Variants in SMOC2 observed in about 807,000 individuals in gnomAD.
SMOC2 encodes SPARC related modular calcium binding 2.
A neutral mutation model predicts 61.4 loss-of-function variants in SMOC2; 39 were observed. The ratio of observed to expected loss-of-function variants is 0.64; its 90% CI spans 0.49 to 0.83. The LOEUF (loss-of-function observed/expected upper bound fraction) is 0.83, where lower values mean the gene tolerates loss of function less well. Ranked by LOEUF, SMOC2 falls within the 40% of genes least tolerant of loss-of-function variation. SMOC2 has a pLI of 0.00. For synonymous variants in SMOC2, 247 were observed against 239.9 expected, an observed-to-expected ratio of 1.03 and a Z score of -0.27; for missense variants, 556 against 592.9, an observed-to-expected ratio of 0.94 and a Z score of 0.65.
At chr6:168,518,773 G>T (rs1783224453) in intron 2 of SMOC2, among the ~76,000 whole-genome samples, 1 of 151,660 alleles carries the variant, frequency 6.6e-6, no homozygotes. Context: ...ATGTGCGTGT[G>T]TGCATGTGTG....
At chr6:168,458,628 G>T (rs2115000634) in intron 1 of SMOC2, among the ~76,000 whole-genome samples, 1 of 152,220 alleles carries the variant, frequency 6.6e-6, no homozygotes, top group African/African-American at 2.4e-5. Context: ...GAGAAACGAA[G>T]GCTCCCAGGG....
At chr6:168,571,789 G>A (rs1419348231) in intron 7 of SMOC2, among the ~76,000 whole-genome samples, 1 of 152,150 alleles carries the variant, frequency 6.6e-6, no homozygotes, top group Non-Finnish European at 1.5e-5. Context: ...TTCACTGAAC[G>A]CAATGTTCAC....
intron 5 of SMOC2, among the ~76,000 whole-genome samples, chr6:168,546,004 A>C (rs1232741107): frequency 6.6e-6 from 1 of 152,128 alleles, no homozygotes; most frequent in East Asian, 1.9e-4. Flanking sequence ...AACTGATGTT[A>C]CATTTTTGTC....
intron 1 of SMOC2, among the ~76,000 whole-genome samples, chr6:168,489,492 T>C (rs559334859): frequency 9.4e-4 from 141 of 150,264 alleles, no homozygotes; most frequent in African/African-American, 3.1e-3. Flanking sequence ...TGTTTTAGAA[T>C]GAAATATATC....
intron 8 of SMOC2, among the ~76,000 whole-genome samples, chr6:168,602,281 C>T (rs896185589): frequency 6.6e-6 from 1 of 152,124 alleles, no homozygotes; most frequent in African/African-American, 2.4e-5. Context: ...ATGATTTCAG[C>T]GGTTCAAAGA....
At chr6:168,666,267 A>G (rs549635638) in intron 12 of SMOC2, among the ~76,000 whole-genome samples, 154 bp from the exon 13 acceptor site, 1 of 150,318 alleles carries the variant, frequency 6.7e-6, no homozygotes, top group African/African-American at 2.4e-5. Context: ...AGTGTCCAAA[A>G]TGTCTTCATT....
chr6:168,484,356 A>C (rs1378676897), intron 1 of SMOC2, among the ~76,000 whole-genome samples: 1 of 152,200 alleles, frequency 6.6e-6, no homozygotes, highest in Non-Finnish European at 1.5e-5. Context: ...ACACATGCTT[A>C]GCATCATGGA....
intron 4 of SMOC2, among the ~76,000 whole-genome samples, chr6:168,539,928 C>A (rs1783840317): frequency 6.6e-6 from 1 of 152,202 alleles, no homozygotes; most frequent in Non-Finnish European, 1.5e-5. Context: ...GTTACTTACC[C>A]CTCTGGTCTC....
intron 1 of SMOC2, among the ~76,000 whole-genome samples, chr6:168,478,238 C>G (rs1306559381): frequency 6.6e-6 from 1 of 152,180 alleles, no homozygotes; most frequent in African/African-American, 2.4e-5. Context: ...AGCATAGAGA[C>G]TTGGGACCAC....
intron 1 of SMOC2, among the ~76,000 whole-genome samples, chr6:168,485,491 A>T (rs963205608): frequency 6.6e-5 from 10 of 152,236 alleles, no homozygotes; most frequent in African/African-American, 2.4e-4. Context: ...TTATTTGACC[A>T]TAAAAAGGAA....
intron 7 of SMOC2, among the ~76,000 whole-genome samples, chr6:168,563,408 CAT>C (rs900600053): frequency 1.3e-5 from 2 of 151,782 alleles, no homozygotes; most frequent in Non-Finnish European, 2.9e-5. Context: ...TATTTGTGTG[CAT>C]ATATATATAC....
intron 4 of SMOC2, among the ~76,000 whole-genome samples, chr6:168,542,747 C>T (rs1324813367): frequency 3.3e-5 from 5 of 152,030 alleles, no homozygotes; most frequent in African/African-American, 1.2e-4. Context: ...AATTTCCTGC[C>T]ACATTACTAT....
At chr6:168,543,578 T>C in intron 4 of SMOC2, 47 bp from the exon 5 acceptor site, 1 of 1,552,318 alleles carries the variant, frequency 6.4e-7, no homozygotes, top group South Asian at 1.1e-5. Flanking sequence ...GATGGCCATT[T>C]AAGAGTCCAA....
At position 168,475,715 on chromosome 6, in the gene SMOC2, A is replaced by G. The variant is rs1440518866; in HGVS notation, c.85-34200A>G. 6.6e-6 allele frequency among the ~76,000 whole-genome samples: 1 copy of G among 151,512 alleles called. No individual in the cohort carries two copies. Among genetic ancestry groups the G allele is most frequent in the African/African-American group, 2.4e-5 (1 of 41,218 alleles). ...CACGTGTGAGACCTGGTGTGGGTCG[A>G]GGACACTGCTCGGCGTTAGAAGAAG... On this transcript the variant is annotated intron_variant, in intron 1 of 12. Transcript: ENST00000356284. The surrounding 1 kb of genome is among the most constrained non-coding windows in gnomAD (Gnocchi z 4.6).
At chr6:168,587,283 G>T (rs1357995824) in intron 7 of SMOC2, among the ~76,000 whole-genome samples, 3 of 152,184 alleles carry the variant, frequency 2.0e-5, no homozygotes, top group African/African-American at 7.2e-5. Context: ...AATTAGACAG[G>T]TTTGACACTG....
Position 168,645,066 on chromosome 6 carries a change from A to G in SMOC2, c.908-5615A>G, listed in dbSNP as rs188014084. On this transcript the variant is annotated intron_variant, in intron 9 of 12. Coordinates refer to ENST00000356284, the MANE Select transcript of SMOC2 (RefSeq NM_001166412.2). ...GGAACTTAAAATCCTGGTTCCTAAC[A>G]TTCATCATAGAGTTAGTAAATGTAA... Among the ~76,000 whole-genome samples the G allele has an allele frequency of 2.0e-5, 3 of 152,366 alleles. 1 individual carries two copies. Among genetic ancestry groups the G allele is most frequent in the Non-Finnish European group, 4.4e-5 (3 of 68,032 alleles).
intron 3 of SMOC2, among the ~76,000 whole-genome samples, 155 bp downstream of exon 3, chr6:168,526,607 C>T (rs960507566): frequency 1.3e-5 from 2 of 152,062 alleles, no homozygotes; most frequent in South Asian, 2.1e-4. Context: ...GAAGTTAATT[C>T]GTAATGAGCC....
intron 7 of SMOC2, among the ~76,000 whole-genome samples, chr6:168,576,710 G>A (rs1238096581): frequency 1.3e-5 from 2 of 152,052 alleles, no homozygotes; most frequent in African/African-American, 2.4e-5. Flanking sequence ...AGGAATGAGG[G>A]AAGGTTTCCC....
At chr6:168,573,527 T>G (rs9295068) in intron 7 of SMOC2, among the ~76,000 whole-genome samples, 80,674 of 152,068 alleles carry the variant, frequency 0.53, 23,690 homozygotes, top group African/African-American at 0.8. Context: ...TGCTGGTCCC[T>G]CTGTGTCTGT....
Sources: gnomAD v4.1 joint callset for allele counts (sites outside exome capture counted in the v4.1 genomes callset) on GRCh38, gnomAD v4.1.1 for gene constraint, Gnocchi (gnomAD v3.1) non-coding constraint, MANE v1.5 for transcripts, NCBI Gene and HGNC (gene_info 2026-07-23, HGNC 2026-07-21) for gene names.